NFE2L3: variants seen among roughly 807,000 people sequenced by gnomAD.
NFE2L3 encodes NFE2 like bZIP transcription factor 3, also known as nuclear factor erythroid 2-related factor 3.
A neutral mutation model predicts 23.5 loss-of-function variants in NFE2L3; 18 were observed. That is an observed-to-expected ratio of 0.77 (90% CI 0.53 to 1.13). The LOEUF (loss-of-function observed/expected upper bound fraction) is 1.13, where lower values mean the gene tolerates loss of function less well. Ranked by LOEUF, NFE2L3 falls within the 50% of genes most tolerant of loss-of-function variation. The pLI is 0.00. For missense variants in NFE2L3, 1,152 were observed against 877.2 expected, an observed-to-expected ratio of 1.31 and a Z score of -3.96; for synonymous variants, 424 against 354.5, an observed-to-expected ratio of 1.20 and a Z score of -2.20.
intron 2 of NFE2L3, among the ~76,000 whole-genome samples, chr7:26,182,938 G>A (rs541451159): frequency 6.6e-6 from 1 of 152,198 alleles, no homozygotes; most frequent in African/African-American, 2.4e-5. Context: ...GGGACCACAG[G>A]TGCACACCAC....
At chr7:26,160,490 A>G (rs1222109461) in intron 1 of NFE2L3, among the ~76,000 whole-genome samples, 1 of 152,268 alleles carries the variant, frequency 6.6e-6, no homozygotes, top group Non-Finnish European at 1.5e-5. Context: ...ATACACATAT[A>G]CACACAGATT....
At chr7:26,161,120 G>A (rs1027104563) in intron 1 of NFE2L3, among the ~76,000 whole-genome samples, 9 of 152,164 alleles carry the variant, frequency 5.9e-5, no homozygotes, top group African/African-American at 2.2e-4. Context: ...CCCTCCCCAA[G>A]GGGGAGGTCA....
At chr7:26,154,324 A>G (rs1000939591) in intron 1 of NFE2L3, among the ~76,000 whole-genome samples, 1 of 152,126 alleles carries the variant, frequency 6.6e-6, no homozygotes, top group African/African-American at 2.4e-5. Context: ...TCTGCCCTCT[A>G]ATAAGTGAGT....
intron 1 of NFE2L3, among the ~76,000 whole-genome samples, chr7:26,177,553 C>T (rs905536853): frequency 2.0e-5 from 3 of 152,068 alleles, no homozygotes; most frequent in South Asian, 2.1e-4. Context: ...GCCAAGATCA[C>T]GGCAGTAGAG....
At chr7:26,174,379 T>C (rs1225638752) in intron 1 of NFE2L3, 1 of 149,722 alleles carries the variant, frequency 6.7e-6, no homozygotes, top group Non-Finnish European at 1.5e-5. Flanking sequence ...AAGGGAGGGG[T>C]TTTTAAAGGT....
chr7:26,177,563 G>T (rs1784436360), intron 1 of NFE2L3, among the ~76,000 whole-genome samples: 2 of 152,248 alleles, frequency 1.3e-5, no homozygotes, highest in Non-Finnish European at 2.9e-5. Context: ...CGGCAGTAGA[G>T]TCCAGGCTCA....
At chr7:26,175,859 T>TC (rs1429610589) in intron 1 of NFE2L3, among the ~76,000 whole-genome samples, 1 of 149,794 alleles carries the variant, frequency 6.7e-6, no homozygotes, top group Non-Finnish European at 1.5e-5. Flanking sequence ...TTTTCTTTTT[T>TC]TTTTTTTTTT....
At chr7:26,183,528 AGAGT>A (rs2128100416) in intron 2 of NFE2L3, among the ~76,000 whole-genome samples, 169 bp from the exon 3 acceptor site, 1 of 143,984 alleles carries the variant, frequency 6.9e-6, no homozygotes, top group South Asian at 2.1e-4. Context: ...ATTCTGGGCC[AGAGT>A]GAGATCCGTC....
At chr7:26,167,526 G>A (rs1247375118) in intron 1 of NFE2L3, among the ~76,000 whole-genome samples, 2 of 150,276 alleles carry the variant, frequency 1.3e-5, no homozygotes, top group African/African-American at 4.9e-5. Context: ...GTGTGAAAAT[G>A]TACTTTTTTT....
rs1335560080 is a variant in NFE2L3 at position 26,185,078 on chromosome 7, C to T, written c.1380C>T (p.Asp460=). The change falls in exon 4 of 4, where the codon GAC becomes GAT. Residue 460 remains aspartate, a synonymous_variant. Transcript: ENST00000056233. ...ACCATGAATCTAGTTCCCATCATGA[C>T]TTAGAAGGTGCTGTAGGTGGCTACT... The part of the protein sequence containing the change: ...CTDHESSSHH[D]LEGAVGGYYP... 2.5e-6 allele frequency: 4 copies of T among 1,613,848 alleles called. No homozygotes were observed. The highest frequency in any genetic ancestry group is 3.4e-6 in the Non-Finnish European group (4 of 1,179,812).
chr7:26,167,429 A>G (rs763468259), intron 1 of NFE2L3, among the ~76,000 whole-genome samples: 28 of 152,160 alleles, frequency 1.8e-4, no homozygotes, highest in Non-Finnish European at 4.1e-4. Context: ...CCTTTCCAGC[A>G]GGTGCCAGTT....
intron 1 of NFE2L3, among the ~76,000 whole-genome samples, chr7:26,171,034 G>T (rs1784322109): frequency 1.3e-5 from 2 of 152,184 alleles, no homozygotes; most frequent in Admixed American, 6.5e-5. Flanking sequence ...TCATCTATCA[G>T]ATTGGCACTT....
chr7:26,168,222 C>T (rs1784279629), intron 1 of NFE2L3, among the ~76,000 whole-genome samples: 1 of 149,608 alleles, frequency 6.7e-6, no homozygotes, highest in Admixed American at 6.6e-5. Context: ...CTGCAACCTC[C>T]ACCTCCTGGG....
intron 1 of NFE2L3, 44 bp from the exon 2 acceptor site, chr7:26,177,899 T>C: frequency 6.4e-7 from 1 of 1,556,772 alleles, no homozygotes; most frequent in Non-Finnish European, 8.8e-7. Flanking sequence ...CAATGCAGTT[T>C]TAAAGACTGT....
rs1445684286 is a variant in NFE2L3 at position 26,185,955 on chromosome 7, G to C, written c.*172G>C. The C allele has an allele frequency of 8.6e-6, 5 of 579,484 alleles. No homozygotes were observed. The highest frequency in any genetic ancestry group is 1.4e-5 in the Non-Finnish European group (5 of 347,868). 35.9% of individuals were successfully genotyped at this position (579,484 alleles called of 1,614,324 possible). The stretch of plus-strand genomic sequence containing the variant: ...CATGGACAAATGTTTAGGACTTCAA[G>C]ATCACACTTGTGGGCAATCTGGGGG... On this transcript the variant is annotated 3_prime_UTR_variant, in exon 4 of 4. Transcript: ENST00000056233.
intron 3 of NFE2L3, 133 bp downstream of exon 3, chr7:26,183,917 T>C (rs541747026): frequency 1.2e-4 from 74 of 642,194 alleles, no homozygotes; most frequent in Middle Eastern, 5.0e-4. Context: ...CACTTCAGCT[T>C]AGAATTAACC....
intron 2 of NFE2L3, among the ~76,000 whole-genome samples, chr7:26,182,095 T>A (rs752389264): frequency 2.0e-5 from 3 of 152,112 alleles, no homozygotes; most frequent in Non-Finnish European, 2.9e-5. Context: ...ATTAAAGGAC[T>A]ACACAGAGCT....
At chr7:26,175,704 G>A (rs1334628871) in intron 1 of NFE2L3, among the ~76,000 whole-genome samples, 9 of 151,476 alleles carry the variant, frequency 5.9e-5, no homozygotes, top group Non-Finnish European at 1.0e-4. Context: ...GCGTGAACCC[G>A]GGAGGCCGAG....
chr7:26,154,995 C>G, intron 1 of NFE2L3, among the ~76,000 whole-genome samples: 1 of 152,162 alleles, frequency 6.6e-6, no homozygotes, highest in Non-Finnish European at 1.5e-5. Context: ...CATGTGTGCA[C>G]CATGTTCACT....
Sources: allele counts gnomAD v4.1 joint callset (sites outside exome capture counted in the v4.1 genomes callset), GRCh38; gene constraint gnomAD v4.1.1; transcripts MANE v1.5; gene names NCBI Gene and HGNC (gene_info 2026-07-23, HGNC 2026-07-21).